The following FUBP3 variants were observed in gnomAD, a reference collection of about 807,000 sequenced individuals.
The protein encoded by FUBP3 is far upstream element-binding protein 3.
Under a neutral mutation model 85.6 loss-of-function variants are expected in FUBP3, and 28 were observed. The ratio of observed to expected loss-of-function variants is 0.33; its 90% CI spans 0.24 to 0.45. FUBP3 has a LOEUF of 0.45. FUBP3 is among the 20% of genes least tolerant of loss of function. The pLI is 1.00. For missense variants in FUBP3, 583 were observed against 755.1 expected, an observed-to-expected ratio of 0.77 and a Z score of 2.67; for synonymous variants, 271 against 271.4, an observed-to-expected ratio of 1.00 and a Z score of 0.01.
intron 2 of FUBP3, among the ~76,000 whole-genome samples, chr9:130,608,971 A>G (rs988712695): frequency 2.0e-5 from 3 of 152,244 alleles, no homozygotes; most frequent in Middle Eastern, 6.3e-3. Flanking sequence ...AAGTGGGTGT[A>G]ATCGATCCTT....
chr9:130,581,109 G>C (rs1051313358), intron 1 of FUBP3: 4 of 152,236 alleles, frequency 2.6e-5, no homozygotes, highest in Non-Finnish European at 5.9e-5. Context: ...CAGTCACCTT[G>C]TTGGCCTTCT....
At position 130,636,003 on chromosome 9, in the gene FUBP3, C is replaced by T. The variant is rs117877479; in HGVS notation, c.1587C>T (p.His529=). ...GTTTCCTCCTTTGTCAACCAGGTCA[C>T]GCCGCCAGCGCTGCTCCTCAGGCCA... ...AWEDYYKKQS[H]AASAAPQASS... is the part of the protein sequence containing the mutation. Residue 529 remains histidine, a synonymous_variant, in exon 18 of 19, where the codon CAC becomes CAT. Transcript: ENST00000319725. 0.01 allele frequency: 16,303 copies of T among 1,613,574 alleles called. 118 individuals are homozygous for T. Among genetic ancestry groups the T allele is most frequent in the Non-Finnish European group, 0.013 (14,954 of 1,179,830 alleles).
chr9:130,614,258 C>T (rs1339704405), intron 5 of FUBP3, 30 bp from the exon 6 acceptor site: 1 of 1,502,326 alleles, frequency 6.7e-7, no homozygotes, highest in Non-Finnish European at 9.3e-7. Context: ...TGCCCACCAA[C>T]ACCCCTCATC....
At chr9:130,619,038 G>A (rs953976670) in intron 8 of FUBP3, among the ~76,000 whole-genome samples, 3 of 152,124 alleles carry the variant, frequency 2.0e-5, no homozygotes, top group Non-Finnish European at 2.9e-5. Flanking sequence ...ATTGCCTCTC[G>A]CCTTTCCCCA....
intron 16 of FUBP3, among the ~76,000 whole-genome samples, chr9:130,634,131 G>A (rs1435525495): frequency 6.6e-6 from 1 of 152,180 alleles, no homozygotes; most frequent in Non-Finnish European, 1.5e-5. Context: ...GGTGAACCCA[G>A]GGTCCTGCAC....
rs1830835124 is a variant in FUBP3, at chr9:130,595,676, T to C, written c.190+88T>C. The C allele has an allele frequency of 5.2e-6, 4 of 770,294 alleles. No individual in the cohort carries two copies. In the South Asian group the frequency reaches 5.4e-5, roughly 10 times the overall value. 47.7% of individuals were successfully genotyped at this position (770,294 alleles called of 1,614,324 possible). ...TTGTCAGCCATTACCTTAACGACTCTCTGAAGTGTCACTCTGTTGAGAAGA... is the reference window on the plus strand; with the variant it reads ...TTGTCAGCCATTACCTTAACGACTCCCTGAAGTGTCACTCTGTTGAGAAGA... On this transcript the variant is annotated intron_variant, in intron 2 of 18. Coordinates refer to ENST00000319725, the MANE Select transcript of FUBP3 (RefSeq NM_003934.2).
At chr9:130,624,104 CTTGAT>C (rs1006185489) in intron 11 of FUBP3, among the ~76,000 whole-genome samples, 3 of 152,348 alleles carry the variant, frequency 2.0e-5, no homozygotes, top group Admixed American at 6.5e-5. Context: ...CCTTCATGCA[CTTGAT>C]TTCATGCACA....
Position 130,623,678 on chromosome 9 carries a change from G to C in FUBP3, c.942G>C (p.Ala314=), listed in dbSNP as rs748202070. 4 of 1,613,478 alleles carry C rather than the reference G, an allele frequency of 2.5e-6. No individual in the cohort carries two copies. ...CTCCGGATCGGTGTCAGCATGCAGC[G>C]CATATCATCAGCGAGCTGATTCTTA... ...MGPPDRCQHA[A]HIISELILTA... is the part of the protein sequence containing the mutation. The change falls in exon 11 of 19, where the codon GCG becomes GCC. Residue 314 remains alanine, a synonymous_variant. Transcript: ENST00000319725.
intron 2 of FUBP3, among the ~76,000 whole-genome samples, chr9:130,607,522 C>CT (rs1831521702): frequency 1.3e-5 from 2 of 152,006 alleles, no homozygotes; most frequent in Non-Finnish European, 1.5e-5. Context: ...AGCATTTTTC[C>CT]TTTTTTACAG....
At chr9:130,615,859 G>C (rs1324373848) in intron 6 of FUBP3, among the ~76,000 whole-genome samples, 1 of 152,216 alleles carries the variant, frequency 6.6e-6, no homozygotes, top group Non-Finnish European at 1.5e-5. Context: ...AAGAAGCGTG[G>C]AGTATGGGAG....
intron 1 of FUBP3, among the ~76,000 whole-genome samples, chr9:130,582,722 T>G (rs995789209): frequency 6.6e-6 from 1 of 152,220 alleles, no homozygotes; most frequent in Non-Finnish European, 1.5e-5. Context: ...GTCTGGTTTA[T>G]GTTGTTCCAT....
intron 16 of FUBP3, among the ~76,000 whole-genome samples, chr9:130,632,930 C>T (rs1489203053): frequency 2.0e-5 from 3 of 152,252 alleles, no homozygotes; most frequent in Non-Finnish European, 2.9e-5. Flanking sequence ...TACCTTAGTA[C>T]GATCCACGTT....
At chr9:130,591,520 A>G (rs997693966) in intron 1 of FUBP3, among the ~76,000 whole-genome samples, 1 of 152,220 alleles carries the variant, frequency 6.6e-6, no homozygotes, top group African/African-American at 2.4e-5. Context: ...ACAAGGTAGT[A>G]TGTGGAAGAA....
In FUBP3 at chr9:130,609,973, C is replaced by T. The variant is rs754706572; in HGVS notation, c.210C>T (p.Ala70=). 1 of 1,609,228 alleles carries T rather than the reference C, an allele frequency of 6.2e-7. No individual in the cohort carries two copies. The highest frequency in any genetic ancestry group is 1.1e-5 in the South Asian group (1 of 90,982). The change falls in exon 3 of 19, where the codon GCC becomes GCT. Residue 70 remains alanine, a synonymous_variant. Transcript: ENST00000319725. ...CCACAGTAGGTAACCAGTTAGGGGC[C>T]TTGGTACATCAAAGGTAAGCAGTGG... ...LDDGVGNQLG[A]LVHQRTVITE... is the part of the protein sequence containing the mutation.
intron 13 of FUBP3, 96 bp downstream of exon 13, chr9:130,630,884 T>A: frequency 1.1e-6 from 1 of 949,286 alleles, no homozygotes. Context: ...GTGCTGCTTG[T>A]GCCTGTGGGT....
intron 16 of FUBP3, 28 bp from the exon 17 acceptor site, chr9:130,634,639 C>T (rs770113288): frequency 6.9e-6 from 11 of 1,604,150 alleles, no homozygotes; most frequent in Non-Finnish European, 9.4e-6. Flanking sequence ...GCCCGTAAGG[C>T]CTGACTGCTT....
At chr9:130,608,409 C>T (rs1831565588) in intron 2 of FUBP3, among the ~76,000 whole-genome samples, 1 of 152,206 alleles carries the variant, frequency 6.6e-6, no homozygotes. Context: ...CTGTCGTTGA[C>T]ATTCTCCTTT....
intron 2 of FUBP3, among the ~76,000 whole-genome samples, chr9:130,597,906 G>T (rs1564196631): frequency 6.6e-6 from 1 of 152,172 alleles, no homozygotes; most frequent in Non-Finnish European, 1.5e-5. Flanking sequence ...GATTCAGCAC[G>T]ACACAGAAAC....
At chr9:130,586,392 TTC>T (rs375235938) in intron 1 of FUBP3, among the ~76,000 whole-genome samples, 4 of 152,070 alleles carry the variant, frequency 2.6e-5, no homozygotes, top group East Asian at 1.9e-4. Flanking sequence ...GGGCTATTAA[TTC>T]TCTCTCTCTC....
Sources: gnomAD v4.1 joint callset for allele counts (sites outside exome capture counted in the v4.1 genomes callset) on GRCh38, gnomAD v4.1.1 for gene constraint, MANE v1.5 for transcripts, NCBI Gene and HGNC (gene_info 2026-07-23, HGNC 2026-07-21) for gene names.